Variants in COL14A1 observed in about 807,000 individuals in gnomAD.
COL14A1 encodes the protein collagen alpha-1(XIV) chain.
Under a neutral mutation model 230.3 loss-of-function variants are expected in COL14A1, and 136 were observed. That is an observed-to-expected ratio of 0.59 (90% CI 0.51 to 0.68). The LOEUF (loss-of-function observed/expected upper bound fraction) is 0.68, where lower values mean the gene tolerates loss of function less well. COL14A1 is among the 30% of genes least tolerant of loss of function. The pLI is 0.00. For missense variants in COL14A1, 1,976 were observed against 2,215.8 expected, an observed-to-expected ratio of 0.89 and a Z score of 2.17; for synonymous variants, 792 against 784.1, an observed-to-expected ratio of 1.01 and a Z score of -0.17.
intron 45 of COL14A1, among the ~76,000 whole-genome samples, chr8:120,348,579 G>C (rs1446217445): frequency 6.6e-6 from 1 of 152,118 alleles, no homozygotes; most frequent in Non-Finnish European, 1.5e-5. Context: ...ATAGGGTATA[G>C]TGTATACTGC....
At chr8:120,360,084 T>G (rs1823137527) in intron 45 of COL14A1, among the ~76,000 whole-genome samples, 1 of 152,218 alleles carries the variant, frequency 6.6e-6, no homozygotes, top group African/African-American at 2.4e-5. Flanking sequence ...CTCTGGTTAG[T>G]GGATTCCTTT....
intron 19 of COL14A1, among the ~76,000 whole-genome samples, chr8:120,232,704 T>C (rs978823418): frequency 7.9e-5 from 12 of 152,348 alleles, no homozygotes; most frequent in African/African-American, 2.9e-4. Flanking sequence ...TCTTTGCTAT[T>C]GTGAGTAGTG....
chr8:120,225,033 G>T, intron 14 of COL14A1, 55 bp from the exon 15 acceptor site: 1 of 1,524,794 alleles, frequency 6.6e-7, no homozygotes, highest in Non-Finnish European at 8.9e-7. Context: ...ATAATAAAAT[G>T]ATTCTTATAC....
intron 36 of COL14A1, among the ~76,000 whole-genome samples, chr8:120,302,588 C>T (rs1275539928): frequency 6.6e-6 from 1 of 151,980 alleles, no homozygotes; most frequent in African/African-American, 2.4e-5. Context: ...TATTCTATTC[C>T]CCTGGTCTAT....
intron 34 of COL14A1, among the ~76,000 whole-genome samples, chr8:120,290,838 G>A (rs1255507174): frequency 2.0e-5 from 3 of 152,194 alleles, no homozygotes; most frequent in Admixed American, 1.3e-4. Context: ...GTGAATGGTA[G>A]CAATGTGTCC....
intron 26 of COL14A1, among the ~76,000 whole-genome samples, chr8:120,276,894 G>A (rs979971350): frequency 3.9e-5 from 6 of 152,030 alleles, no homozygotes; most frequent in African/African-American, 1.4e-4. Context: ...GTAACATGCT[G>A]AGGCATGTCA....
chr8:120,353,946 G>T (rs1471719296), intron 45 of COL14A1, among the ~76,000 whole-genome samples: 1 of 145,442 alleles, frequency 6.9e-6, no homozygotes, highest in East Asian at 2.0e-4. Flanking sequence ...GCACATGTAT[G>T]TTTATTGCGG....
At chr8:120,292,847 T>A (rs545631181) in intron 34 of COL14A1, among the ~76,000 whole-genome samples, 1 of 152,130 alleles carries the variant, frequency 6.6e-6, no homozygotes, top group Non-Finnish European at 1.5e-5. Flanking sequence ...AAACCATAAT[T>A]GAGTGGAAGA....
chr8:120,151,016 A>T (rs534150931), intron 2 of COL14A1, among the ~76,000 whole-genome samples: 3 of 152,072 alleles, frequency 2.0e-5, no homozygotes, highest in Admixed American at 2.0e-4. Flanking sequence ...TCCAACATCA[A>T]TTATAAGGAG....
At chr8:120,200,739 A>T (rs13256829) in intron 8 of COL14A1, among the ~76,000 whole-genome samples, 5 of 69,922 alleles carry the variant, frequency 7.2e-5, no homozygotes, top group African/African-American at 2.0e-4. Context: ...ATATATATAT[A>T]TATATATATA....
chr8:120,207,101 A>C lies in COL14A1; in HGVS notation c.1191+7A>C. 1 of 1,605,218 alleles carries C rather than the reference A, an allele frequency of 6.2e-7. No homozygotes were observed. Among genetic ancestry groups the C allele is most frequent in the South Asian group, 1.1e-5 (1 of 88,862 alleles). On this transcript the variant is annotated splice_region_variant and intron_variant, in intron 10 of 47. Transcript: ENST00000297848. ...GGGTGGAAAACCAGACGAGGTAATAAGGAGAGAGTATTTTCAAACCATTCT... is the reference window on the plus strand; with the variant it reads ...GGGTGGAAAACCAGACGAGGTAATACGGAGAGAGTATTTTCAAACCATTCT...
rs755031873 is a variant in COL14A1, at chr8:120,197,812, T to A, written c.594T>A (p.Gly198=). The change falls in exon 7 of 48, where the codon GGT becomes GGA. Residue 198 remains glycine (G), a splice_region_variant and synonymous_variant. Coordinates refer to ENST00000297848, the MANE Select transcript of COL14A1 (RefSeq NM_021110.4). ...FDVGSEKTRI[G]LAQYSGDPRI... ...GCGTTTCCTAATCTTTTTTTCCAGG[T>A]CTTGCACAGTATAGTGGTGACCCCA... The A allele has an allele frequency of 4.3e-6, 7 of 1,612,490 alleles. No individual in the cohort carries two copies. Among genetic ancestry groups the A allele is most frequent in the African/African-American group, 1.3e-5 (1 of 74,992 alleles).
At chr8:120,204,481 A>T (rs1299804681) in intron 9 of COL14A1, among the ~76,000 whole-genome samples, 4 of 152,190 alleles carry the variant, frequency 2.6e-5, no homozygotes, top group African/African-American at 4.8e-5. Context: ...AGATTCATCC[A>T]AGTCGTTGCA....
chr8:120,276,107 C>A lies in COL14A1; in HGVS notation c.3214-2004C>A, dbSNP rs112419571. Among the ~76,000 whole-genome samples, 781 of 150,176 alleles carry A rather than the reference C, an allele frequency of 5.2e-3. 5 individuals carry two copies. The highest frequency in any genetic ancestry group is 0.018 in the African/African-American group (718 of 41,012). ...GTGCCTGTCATCCAATGAGTAAAGA[C>A]AATGTTATATATATATGTAAAAAAA... On this transcript the variant is annotated intron_variant, in intron 26 of 47. Coordinates refer to ENST00000297848, the MANE Select transcript of COL14A1 (RefSeq NM_021110.4).
intron 1 of COL14A1, among the ~76,000 whole-genome samples, chr8:120,130,040 G>A (rs1433374015): frequency 6.6e-6 from 1 of 152,188 alleles, no homozygotes; most frequent in African/African-American, 2.4e-5. Context: ...GGTTGGTGAA[G>A]GATCAAGTTT....
At chr8:120,174,135 GC>G (rs951670277) in intron 5 of COL14A1, among the ~76,000 whole-genome samples, 3 of 152,198 alleles carry the variant, frequency 2.0e-5, no homozygotes, top group Admixed American at 1.3e-4. Context: ...AGTTTTACTT[GC>G]CCCTCCTATA....
chr8:120,224,023 C>CTT lies in COL14A1; in HGVS notation c.1738-1045_1738-1044dup, dbSNP rs962510256. 9.8e-4 allele frequency among the ~76,000 whole-genome samples: 77 copies of CTT among 78,262 alleles called. 1 individual carries two copies. Among genetic ancestry groups the CTT allele is most frequent in the African/African-American group, 2.8e-3 (55 of 19,300 alleles). The allele number at this position is 78,262 out of a possible 152,430, so 51.3% of individuals were successfully genotyped here. ...GCCTTCTAGACCCTGCCCTCATCTC[C>CTT]TTTTTTTTTTTTTTTTTTTTTGAGA... On this transcript the variant is annotated intron_variant, in intron 14 of 47. Transcript: ENST00000297848.
At chr8:120,294,382 C>T (rs1467317113) in intron 34 of COL14A1, among the ~76,000 whole-genome samples, 1 of 150,748 alleles carries the variant, frequency 6.6e-6, no homozygotes, top group Non-Finnish European at 1.5e-5. Flanking sequence ...TTCAAGTATT[C>T]CCTTGAAAGA....
At chr8:120,271,235 T>C (rs994347217) in intron 26 of COL14A1, among the ~76,000 whole-genome samples, 3 of 151,252 alleles carry the variant, frequency 2.0e-5, no homozygotes, top group Non-Finnish European at 4.4e-5. Flanking sequence ...GGGTGGAGGG[T>C]AGGAGGATAG....
Sources: allele counts gnomAD v4.1 joint callset (sites outside exome capture counted in the v4.1 genomes callset), GRCh38; gene constraint gnomAD v4.1.1; transcripts MANE v1.5; gene names NCBI Gene and HGNC (gene_info 2026-07-23, HGNC 2026-07-21).